LRBA: variants seen among roughly 807,000 people sequenced by gnomAD.
The protein encoded by LRBA is LPS responsive beige-like anchor protein, also known as lipopolysaccharide-responsive and beige-like anchor protein.
A neutral mutation model predicts 330.0 loss-of-function variants in LRBA; 176 were observed. That is an observed-to-expected ratio of 0.53 (90% CI 0.47 to 0.60). The LOEUF is 0.60. Among genes scored for constraint, LRBA ranks in the 20% least tolerant of loss-of-function variants. LRBA has a pLI of 0.00. For synonymous variants in LRBA, 1,230 were observed against 1,193.0 expected (o/e 1.03, Z -0.64); for missense variants, 3,259 against 3,444.8 (o/e 0.95, Z 1.35).
intron 47 of LRBA, among the ~76,000 whole-genome samples, chr4:150,369,173 T>C (rs978495445): frequency 2.0e-5 from 3 of 152,210 alleles, no homozygotes; most frequent in African/African-American, 7.2e-5. Context: ...GTTTAAAAGA[T>C]GTCATTAAAA....
At chr4:150,760,693 T>C (rs1453014166) in intron 35 of LRBA, among the ~76,000 whole-genome samples, 2 of 152,144 alleles carry the variant, frequency 1.3e-5, no homozygotes, top group Non-Finnish European at 2.9e-5. Flanking sequence ...AATTTTCTAA[T>C]GTTTACATGA....
Position 150,849,429 on chromosome 4 carries a change from G to C in LRBA, c.4151C>G (p.Ser1384Trp). ...TAGTAATTAAGTCCTTACTGTAGCC[G>C]ATGTAGCAGCTGAAAGCAATGGCAG... ...GILPLLSAAT[S>W]ATHELENIEP... The change falls in exon 25 of 57, where the codon TCG (serine) becomes TGG (tryptophan). Residue 1384 changes from serine to tryptophan, a missense_variant. By Grantham distance (177) the Ser-to-Trp change is radical (BLOSUM62 -3). Coordinates refer to ENST00000651943, the MANE Select transcript of LRBA (RefSeq NM_001364905.1). The C allele has an allele frequency of 1.2e-6, 2 of 1,613,582 alleles. No individual in the cohort carries two copies. The highest frequency in any genetic ancestry group is 1.1e-5 in the South Asian group (1 of 90,982).
At chr4:150,696,639 T>C (rs1229586961) in intron 36 of LRBA, among the ~76,000 whole-genome samples, 3 of 152,092 alleles carry the variant, frequency 2.0e-5, no homozygotes, top group Non-Finnish European at 4.4e-5. Context: ...GAGAAAGAAA[T>C]AAACTATGAG....
chr4:150,959,896 T>C (rs2149562856), intron 2 of LRBA, among the ~76,000 whole-genome samples: 2 of 145,994 alleles, frequency 1.4e-5, no homozygotes, highest in South Asian at 2.1e-4. Flanking sequence ...ATATAAAGTG[T>C]GTGTGTGCAT....
chr4:150,785,297 G>A (rs574986606), intron 34 of LRBA, among the ~76,000 whole-genome samples: 76 of 152,284 alleles, frequency 5.0e-4, no homozygotes, highest in African/African-American at 1.8e-3. Flanking sequence ...AACCCGAAAA[G>A]ACATCTTAAA....
intron 46 of LRBA, among the ~76,000 whole-genome samples, chr4:150,419,775 T>C (rs1294638614): frequency 6.6e-6 from 1 of 151,106 alleles, no homozygotes; most frequent in Non-Finnish European, 1.5e-5. Flanking sequence ...GTAGCTGAGA[T>C]TATAGGCGCC....
At chr4:150,864,032 G>T (rs1752353411) in intron 22 of LRBA, among the ~76,000 whole-genome samples, 1 of 152,072 alleles carries the variant, frequency 6.6e-6, no homozygotes, top group Non-Finnish European at 1.5e-5. Flanking sequence ...CCACCTCCTG[G>T]GTTCAAGCGA....
intron 48 of LRBA, among the ~76,000 whole-genome samples, chr4:150,343,059 T>A (rs1319596968): frequency 9.6e-6 from 1 of 103,906 alleles, no homozygotes; most frequent in African/African-American, 3.8e-5. Flanking sequence ...GAGGTGGGGG[T>A]GGGGAGTAAA....
intron 44 of LRBA, among the ~76,000 whole-genome samples, chr4:150,461,588 T>C (rs1485826941): frequency 6.6e-6 from 1 of 151,724 alleles, no homozygotes; most frequent in Non-Finnish European, 1.5e-5. Flanking sequence ...TTGTGAAGGT[T>C]AAAGGAATTA....
At chr4:150,509,474 T>C (rs189297821) in intron 40 of LRBA, among the ~76,000 whole-genome samples, 23 of 152,074 alleles carry the variant, frequency 1.5e-4, no homozygotes, top group African/African-American at 5.1e-4. Flanking sequence ...TTCAGTGATT[T>C]TGACATCCCC....
rs1055347443 is a variant in LRBA at position 150,802,079 on chromosome 4, G to A, written c.5519-3937C>T. 2.3e-4 allele frequency among the ~76,000 whole-genome samples: 35 copies of A among 150,764 alleles called. 1 individual carries two copies. Among genetic ancestry groups the A allele is most frequent in the Non-Finnish European group, 3.0e-5 (2 of 67,716 alleles). On this transcript the variant is annotated intron_variant, in intron 33 of 56. Transcript: ENST00000651943. ...TAAAATTTTTTAAAACATTAGACGA[G>A]CATGGTGACATGCGCCTGTAGTCCC... is the stretch of plus-strand genomic sequence containing the variant.
At chr4:150,652,135 A>C (rs1779765939) in intron 37 of LRBA, among the ~76,000 whole-genome samples, 1 of 152,208 alleles carries the variant, frequency 6.6e-6, no homozygotes, top group Middle Eastern at 3.4e-3. Flanking sequence ...TACGCGGGGC[A>C]CCAATATCAT....
At chr4:150,714,933 C>A (rs776674112) in intron 36 of LRBA, among the ~76,000 whole-genome samples, 1 of 152,058 alleles carries the variant, frequency 6.6e-6, no homozygotes, top group Non-Finnish European at 1.5e-5. Flanking sequence ...GGAAATCCTA[C>A]CCCAGGAAGA....
chr4:150,490,874 G>A, intron 41 of LRBA, 44 bp downstream of exon 41: 2 of 1,118,044 alleles, frequency 1.8e-6, no homozygotes, highest in Admixed American at 1.8e-5. Flanking sequence ...ATCTTAAAGA[G>A]ATGGAAGTTA....
intron 40 of LRBA, among the ~76,000 whole-genome samples, chr4:150,584,870 A>G (rs1771899608): frequency 6.6e-6 from 1 of 152,168 alleles, no homozygotes. Context: ...CCAAATCCTT[A>G]GAAAATAGAA....
chr4:150,541,079 C>A (rs1452012139), intron 40 of LRBA, among the ~76,000 whole-genome samples: 3 of 152,108 alleles, frequency 2.0e-5, no homozygotes, highest in Non-Finnish European at 4.4e-5. Flanking sequence ...TCTCAAATAA[C>A]AAAGGTAAAC....
Position 150,414,933 on chromosome 4 carries a change from A to G in LRBA, c.7194+505T>C, listed in dbSNP as rs182720248. 3.7e-4 allele frequency among the ~76,000 whole-genome samples: 57 copies of G among 152,300 alleles called. 1 individual carries two copies. Among genetic ancestry groups the G allele is most frequent in the Non-Finnish European group, 7.3e-5 (5 of 68,030 alleles). ...ATGAAGGACACTAAAGAATCCACTA[A>G]AGAGGATACTAAAGAGTTGTTTGTA... On this transcript the variant is annotated intron_variant, in intron 47 of 56. Coordinates refer to ENST00000651943, the MANE Select transcript of LRBA (RefSeq NM_001364905.1).
intron 34 of LRBA, among the ~76,000 whole-genome samples, chr4:150,769,421 A>T (rs1245346056): frequency 1.3e-5 from 2 of 152,204 alleles, no homozygotes; most frequent in African/African-American, 4.8e-5. Context: ...ACAAGTGCCA[A>T]TATCTACAGG....
At chr4:150,393,541 G>A (rs191065988) in intron 47 of LRBA, among the ~76,000 whole-genome samples, 1 of 145,964 alleles carries the variant, frequency 6.9e-6, no homozygotes, top group Non-Finnish European at 1.5e-5. Context: ...CTATAGTGCA[G>A]TGGTATGATC....
Sources: gnomAD v4.1 joint callset for allele counts (sites outside exome capture counted in the v4.1 genomes callset) on GRCh38, gnomAD v4.1.1 for gene constraint, MANE v1.5 for transcripts, NCBI Gene and HGNC (gene_info 2026-07-23, HGNC 2026-07-21) for gene names.